Variants in HSD17B2 observed in about 807,000 individuals in gnomAD.
The protein encoded by HSD17B2 is 17-beta-hydroxysteroid dehydrogenase type 2.
In HSD17B2, 32 loss-of-function variants were observed where a neutral mutation model predicts 26.9. That is an observed-to-expected ratio of 1.19 (90% CI 0.90 to 1.60). The LOEUF (loss-of-function observed/expected upper bound fraction) is 1.60. Ranked by LOEUF, HSD17B2 falls within the 40% of genes most tolerant of loss-of-function variation. The pLI is 0.00. For synonymous variants in HSD17B2, 246 were observed against 186.7 expected (o/e 1.32, Z -2.59); for missense variants, 613 against 468.6 (o/e 1.31, Z -2.85).
At chr16:82,084,961 C>A (rs983598727) in intron 3 of HSD17B2, among the ~76,000 whole-genome samples, 3 of 152,208 alleles carry the variant, frequency 2.0e-5, no homozygotes, top group African/African-American at 7.2e-5. Context: ...TGGCCTCAAA[C>A]AATCCTCTTG....
intron 1 of HSD17B2, among the ~76,000 whole-genome samples, chr16:82,061,219 C>T (rs1241986808): frequency 1.3e-5 from 2 of 151,142 alleles, no homozygotes; most frequent in Non-Finnish European, 2.9e-5. Context: ...GATTGTGCCA[C>T]TGCACTCAAG....
chr16:82,064,655 C>G (rs1280511945), intron 1 of HSD17B2, among the ~76,000 whole-genome samples: 1 of 152,120 alleles, frequency 6.6e-6, no homozygotes, highest in African/African-American at 2.4e-5. Context: ...CTAAAACTAA[C>G]TCGAGAAAGA....
intron 3 of HSD17B2, among the ~76,000 whole-genome samples, 194 bp from the exon 4 acceptor site, chr16:82,090,708 G>T (rs562933992): frequency 5.1e-4 from 77 of 152,286 alleles, no homozygotes; most frequent in African/African-American, 1.7e-3. Flanking sequence ...GCCAAAGAAG[G>T]CAGAAGCAAA....
chr16:82,088,060 A>G (rs1409851162), intron 3 of HSD17B2, among the ~76,000 whole-genome samples: 1 of 152,180 alleles, frequency 6.6e-6, no homozygotes, highest in East Asian at 1.9e-4. Context: ...TTATCACAAA[A>G]GCTCATGTGC....
intron 1 of HSD17B2, among the ~76,000 whole-genome samples, chr16:82,050,259 G>C (rs1914066886): frequency 6.6e-6 from 1 of 151,910 alleles, no homozygotes; most frequent in South Asian, 2.1e-4. Context: ...TTGGTGAGCT[G>C]CACTACCCAG....
chr16:82,083,695 T>C (rs1265893159), intron 3 of HSD17B2, among the ~76,000 whole-genome samples: 4 of 152,298 alleles, frequency 2.6e-5, no homozygotes, highest in African/African-American at 7.2e-5. Context: ...TCACCACCTC[T>C]GACTGTGACA....
chr16:82,057,391 G>T, intron 1 of HSD17B2, among the ~76,000 whole-genome samples: 1 of 152,084 alleles, frequency 6.6e-6, no homozygotes, highest in Admixed American at 6.5e-5. Context: ...TAGAGACGGG[G>T]TTTCACCATG....
At chr16:82,051,643 G>A (rs73603049) in intron 1 of HSD17B2, among the ~76,000 whole-genome samples, 2,855 of 152,214 alleles carry the variant, frequency 0.019, 83 homozygotes, top group African/African-American at 0.063. Flanking sequence ...CTAGGGTGAC[G>A]AGTTGATAGG....
intron 3 of HSD17B2, among the ~76,000 whole-genome samples, chr16:82,074,958 C>T (rs1904293798): frequency 6.6e-6 from 1 of 152,138 alleles, no homozygotes; most frequent in South Asian, 2.1e-4. Context: ...GGCCACAAAA[C>T]AAGTCTTAAA....
intron 4 of HSD17B2, chr16:82,094,110 C>T (rs1904770209): frequency 6.6e-6 from 1 of 152,182 alleles, no homozygotes; most frequent in Admixed American, 6.5e-5. Context: ...AGCAGAGTTA[C>T]TATGACTTGT....
intron 1 of HSD17B2, among the ~76,000 whole-genome samples, chr16:82,065,468 G>A (rs370171042): frequency 6.6e-6 from 1 of 152,130 alleles, no homozygotes; most frequent in African/African-American, 2.4e-5. Flanking sequence ...GGGGAACTGG[G>A]GGCTTTAAAA....
chr16:82,058,987 G>A (rs547626163), intron 1 of HSD17B2, among the ~76,000 whole-genome samples: 3 of 152,126 alleles, frequency 2.0e-5, no homozygotes, highest in African/African-American at 4.8e-5. Context: ...TACTACAGGC[G>A]CTCAGTGGGT....
chr16:82,037,503 G>A (rs1225465336), intron 1 of HSD17B2, among the ~76,000 whole-genome samples: 1 of 152,148 alleles, frequency 6.6e-6, no homozygotes, highest in East Asian at 1.9e-4. Flanking sequence ...GAAAAATGTG[G>A]CAGTGTACAT....
chr16:82,053,649 G>A (rs1041298633), intron 1 of HSD17B2, among the ~76,000 whole-genome samples: 1 of 152,154 alleles, frequency 6.6e-6, no homozygotes, highest in Admixed American at 6.5e-5. Flanking sequence ...CCAGCATGGG[G>A]GAGCAGAGAG....
Position 82,098,287 on chromosome 16 carries a change from A to C in HSD17B2, c.1015A>C (p.Thr339Pro). Residue 339 changes from threonine to proline, a missense_variant, in exon 5 of 5, where the codon ACG becomes CCG. Coordinates refer to ENST00000199936, the MANE Select transcript of HSD17B2 (RefSeq NM_002153.3). ...ILAKSPFAYY[T>P]PGKGAYLWIC... ...GGCGAAGAGCCCTTTTGCCTATTACACGCCAGGGAAAGGCGCTTACTTGTG... is the reference window on the plus strand; with the variant it reads ...GGCGAAGAGCCCTTTTGCCTATTACCCGCCAGGGAAAGGCGCTTACTTGTG... 1 of 1,614,168 alleles carries C rather than the reference A, an allele frequency of 6.2e-7. No homozygotes were observed. Among genetic ancestry groups the C allele is most frequent in the Non-Finnish European group, 8.5e-7 (1 of 1,180,016 alleles).
At position 82,072,394 on chromosome 16, in the gene HSD17B2, C is replaced by T. The variant is rs572511885; in HGVS notation, c.664+1267C>T. The stretch of plus-strand genomic sequence containing the variant: ...ATATTTTCCTAATCTTTGTTCTGAA[C>T]TTAGCCTTTACAATTTTGGCCTGTG... On this transcript the variant is annotated intron_variant, in intron 3 of 4. Transcript: ENST00000199936. Among the ~76,000 whole-genome samples, 3 of 152,318 alleles carry T rather than the reference C, an allele frequency of 2.0e-5. No individual in the cohort carries two copies. The East Asian group carries it at 5.8e-4, about 29-fold the overall frequency.
chr16:82,045,850 C>T (rs1913909976), intron 1 of HSD17B2, among the ~76,000 whole-genome samples: 1 of 152,244 alleles, frequency 6.6e-6, no homozygotes, highest in East Asian at 1.9e-4. Flanking sequence ...GCTGGGACCA[C>T]TCTAGCCTCT....
chr16:82,091,400 C>T (rs189585330), intron 4 of HSD17B2: 265 of 298,978 alleles, frequency 8.9e-4, no homozygotes, highest in Non-Finnish European at 3.6e-4. Context: ...ATTCTGTCTT[C>T]CCACAGAGAC....
At chr16:82,069,569 G>C (rs975567450) in intron 2 of HSD17B2, among the ~76,000 whole-genome samples, 2 of 152,130 alleles carry the variant, frequency 1.3e-5, no homozygotes, top group Admixed American at 1.3e-4. Context: ...CACTTCTCCT[G>C]GATGAAACTT....
Sources: allele counts gnomAD v4.1 joint callset (sites outside exome capture counted in the v4.1 genomes callset), GRCh38; gene constraint gnomAD v4.1.1; transcripts MANE v1.5; gene names NCBI Gene and HGNC (gene_info 2026-07-23, HGNC 2026-07-21).